PAQR5: variants seen among roughly 807,000 people sequenced by gnomAD.
The protein encoded by PAQR5 is membrane progestin receptor gamma.
PAQR5 carries 20 observed loss-of-function variants against 34.5 expected under a neutral mutation model. The ratio of observed to expected loss-of-function variants is 0.58; its 90% confidence interval spans 0.41 to 0.84. PAQR5 has a LOEUF of 0.84. Ranked by LOEUF, PAQR5 falls within the 40% of genes least tolerant of loss-of-function variation. PAQR5 has a pLI of 0.00. For synonymous variants in PAQR5, 131 were observed against 155.6 expected (o/e 0.84, Z 1.18); for missense variants, 378 against 412.7 (o/e 0.92, Z 0.73).
chr15:69,337,890 C>T (rs1166226431), intron 2 of PAQR5, among the ~76,000 whole-genome samples: 3 of 152,066 alleles, frequency 2.0e-5, no homozygotes, highest in Non-Finnish European at 4.4e-5. Flanking sequence ...GCCTGGACAA[C>T]ATGGTGAAAC....
At chr15:69,335,381 G>C (rs2054489612) in intron 1 of PAQR5, among the ~76,000 whole-genome samples, 1 of 150,568 alleles carries the variant, frequency 6.6e-6, no homozygotes, top group Admixed American at 6.6e-5. Flanking sequence ...AAGTAGCTGG[G>C]ATTACAGGCA....
chr15:69,397,867 G>C (rs1341279645), intron 7 of PAQR5: 1 of 401,362 alleles, frequency 2.5e-6, no homozygotes, highest in Non-Finnish European at 4.6e-6. Flanking sequence ...CCCACACCCA[G>C]GTGCTGCCTT....
chr15:69,375,436 G>T (rs1200284829), intron 3 of PAQR5, among the ~76,000 whole-genome samples: 2 of 152,264 alleles, frequency 1.3e-5, no homozygotes, highest in South Asian at 2.1e-4. Flanking sequence ...CTTAACAGAT[G>T]AATTTTGGGA....
At chr15:69,370,382 A>C (rs1474528503) in intron 3 of PAQR5, among the ~76,000 whole-genome samples, 1 of 152,244 alleles carries the variant, frequency 6.6e-6, no homozygotes, top group Admixed American at 6.5e-5. Context: ...ACAGATGCTA[A>C]GTCTGAATAA....
chr15:69,343,380 G>A (rs1187216630), intron 2 of PAQR5, among the ~76,000 whole-genome samples: 2 of 152,064 alleles, frequency 1.3e-5, no homozygotes, highest in Non-Finnish European at 2.9e-5. Flanking sequence ...TACTTATTTG[G>A]GATCCTTTCA....
intron 8 of PAQR5, among the ~76,000 whole-genome samples, chr15:69,402,436 G>T (rs1406644606): frequency 6.6e-6 from 1 of 151,950 alleles, no homozygotes; most frequent in Non-Finnish European, 1.5e-5. Flanking sequence ...TCCTGCCTCA[G>T]CCTCCAGAGT....
chr15:69,299,268 G>T (rs28750234), intron 1 of PAQR5, among the ~76,000 whole-genome samples: 2 of 152,138 alleles, frequency 1.3e-5, no homozygotes, highest in Non-Finnish European at 2.9e-5. Context: ...CGCGGGGCCG[G>T]TGTGAAGGTG....
chr15:69,366,568 C>T (rs185335407), intron 3 of PAQR5, among the ~76,000 whole-genome samples: 100 of 152,130 alleles, frequency 6.6e-4, no homozygotes, highest in Middle Eastern at 3.4e-3. Flanking sequence ...CTGAGAATGC[C>T]CCCTGTATTA....
chr15:69,303,055 C>T (rs28582603), intron 1 of PAQR5, among the ~76,000 whole-genome samples: 105 of 152,186 alleles, frequency 6.9e-4, no homozygotes, highest in Non-Finnish European at 1.3e-3. Context: ...GAGGGCAAAG[C>T]CTTTTGTCTC....
chr15:69,350,650 T>TA (rs1292659671), intron 2 of PAQR5, among the ~76,000 whole-genome samples: 5 of 147,064 alleles, frequency 3.4e-5, no homozygotes, highest in Admixed American at 1.4e-4. Context: ...CTCAAAAAAA[T>TA]AAAAAAAATT....
chr15:69,391,474 G>A lies in PAQR5; in HGVS notation c.512+1694G>A, dbSNP rs111260326. ...AAGTCTGTTTCTAGGAGTCCCTGCC[G>A]TGGATGAAGGGAGGTATAACAGATA... On this transcript the variant is annotated intron_variant, in intron 6 of 8. Coordinates refer to ENST00000395407, the MANE Select transcript of PAQR5 (RefSeq NM_017705.4). 6.8e-3 allele frequency: 1,718 copies of A among 251,458 alleles called. 25 individuals are homozygous for A. Among genetic ancestry groups the A allele is most frequent in the African/African-American group, 0.034 (1,456 of 43,282 alleles). The allele number at this position is 251,458 out of a possible 1,614,324, so 15.6% of individuals were successfully genotyped here.
intron 2 of PAQR5, among the ~76,000 whole-genome samples, chr15:69,354,346 A>G (rs1393826351): frequency 6.6e-6 from 1 of 152,228 alleles, no homozygotes; most frequent in Admixed American, 6.5e-5. Context: ...ATATATACAT[A>G]TATTAACAAA....
At position 69,404,768 on chromosome 15, in the gene PAQR5, CAT is replaced by C. The variant is rs980501977; in HGVS notation, c.*950_*951del. 19 of 395,874 alleles carry C rather than the reference CAT, an allele frequency of 4.8e-5. No homozygotes were observed. Among genetic ancestry groups the C allele is most frequent in the African/African-American group, 3.9e-4 (19 of 48,716 alleles). 24.5% of individuals were successfully genotyped at this position (395,874 alleles called of 1,614,324 possible). A position where few individuals can be genotyped will look rare whatever the true frequency, so the allele number is the denominator to read the frequency against. ...AATCACCTTGCCAGTGGGGTGGTCA[CAT>C]ATAGTGTTCTCAAGCTTTACTGTGA... On this transcript the variant is annotated 3_prime_UTR_variant, in exon 9 of 9. Coordinates refer to ENST00000395407, the MANE Select transcript of PAQR5 (RefSeq NM_017705.4).
At chr15:69,353,193 G>C (rs1378021959) in intron 2 of PAQR5, among the ~76,000 whole-genome samples, 2 of 152,218 alleles carry the variant, frequency 1.3e-5, no homozygotes, top group Non-Finnish European at 2.9e-5. Context: ...TGGTGTCCCT[G>C]ATGTGGCACC....
intron 8 of PAQR5, among the ~76,000 whole-genome samples, chr15:69,402,194 A>C (rs1412590815): frequency 6.6e-6 from 1 of 152,238 alleles, no homozygotes; most frequent in Non-Finnish European, 1.5e-5. Context: ...CTGAGATCAA[A>C]GCGTTGGCAA....
At position 69,397,471 on chromosome 15, in the gene PAQR5, T is replaced by C. The variant is rs1358835979; in HGVS notation, c.516T>C (p.Phe172=). 1 of 1,611,302 alleles carries C rather than the reference T, an allele frequency of 6.2e-7. No homozygotes were observed. ...CCACTTTCCTTCCCTGATTTAGGTT[T>C]CTTGAAATCCAGAAGCCCAGACTCT... ...LSTGLSCYSR[F]LEIQKPRLCK... Residue 172 remains phenylalanine (F), a synonymous_variant, in exon 7 of 9, where the codon TTT becomes TTC. Coordinates refer to ENST00000395407, the MANE Select transcript of PAQR5 (RefSeq NM_017705.4).
Position 69,397,486 on chromosome 15 carries a change from G to A in PAQR5, c.531G>A (p.Lys177=). ...GATTTAGGTTTCTTGAAATCCAGAA[G>A]CCCAGACTCTGTAAGGTGATTCGTG... The part of the protein sequence containing the change: ...SCYSRFLEIQ[K]PRLCKVIRVL... Residue 177 remains lysine, a synonymous_variant, in exon 7 of 9, where the codon AAG becomes AAA. Coordinates refer to ENST00000395407, the MANE Select transcript of PAQR5 (RefSeq NM_017705.4). 6.2e-7 allele frequency: 1 copy of A among 1,613,346 alleles called. No individual in the cohort carries two copies. The highest frequency in any genetic ancestry group is 8.5e-7 in the Non-Finnish European group (1 of 1,179,258).
At position 69,402,323 on chromosome 15, in the gene PAQR5, T is replaced by G. The variant is rs73426023; in HGVS notation, c.752-1258T>G. 6.5e-3 allele frequency among the ~76,000 whole-genome samples: 959 copies of G among 147,826 alleles called. 7 individuals are homozygous for G. The highest frequency in any genetic ancestry group is 0.022 in the African/African-American group (902 of 40,884). On this transcript the variant is annotated intron_variant, in intron 8 of 8. Transcript: ENST00000395407. ...TGTGTCCTAATCTCCTTTTCTTTCT[T>G]TTTTTTTTTTTTGAGACGGAGTCTC...
Position 69,360,047 on chromosome 15 carries a change from T to A in PAQR5, c.-34T>A, listed in dbSNP as rs757436759. 11 of 1,597,384 alleles carry A rather than the reference T, an allele frequency of 6.9e-6. No individual in the cohort carries two copies. The highest frequency in any genetic ancestry group is 9.4e-6 in the Non-Finnish European group (11 of 1,165,184). Reference sequence around the variant, plus strand: ...GTGAGGCCTGGTAACAGGGAGGCGCTGTCACCTACTGGCCTTGCCAATCCA... The same window carrying A: ...GTGAGGCCTGGTAACAGGGAGGCGCAGTCACCTACTGGCCTTGCCAATCCA... On this transcript the variant is annotated 5_prime_UTR_variant, in exon 3 of 9. Coordinates refer to ENST00000395407, the MANE Select transcript of PAQR5 (RefSeq NM_017705.4).
Sources: gnomAD v4.1 joint callset for allele counts (sites outside exome capture counted in the v4.1 genomes callset) on GRCh38, gnomAD v4.1.1 for gene constraint, MANE v1.5 for transcripts, NCBI Gene and HGNC (gene_info 2026-07-23, HGNC 2026-07-21) for gene names.